SLC1A4: variants seen among roughly 807,000 people sequenced by gnomAD.
SLC1A4 encodes the protein solute carrier family 1 member 4, also known as neutral amino acid transporter A.
A neutral mutation model predicts 37.7 loss-of-function variants in SLC1A4; 19 were observed. That is an observed-to-expected ratio of 0.50 (90% CI 0.35 to 0.74). The LOEUF (loss-of-function observed/expected upper bound fraction) is 0.74, where lower values mean the gene tolerates loss of function less well. Ranked by LOEUF, SLC1A4 falls within the 30% of genes least tolerant of loss-of-function variation. The pLI is 0.01. For missense variants in SLC1A4, 570 were observed against 712.9 expected (o/e 0.80, Z 2.28); for synonymous variants, 299 against 309.8 (o/e 0.97, Z 0.37).
chr2:65,021,345 ACT>A lies in SLC1A4; in HGVS notation c.*202_*203del, dbSNP rs1054164459. The A allele has an allele frequency of 1.0e-5, 6 of 585,948 alleles. No individual in the cohort carries two copies. In the Admixed American group the frequency reaches 1.8e-4, roughly 18 times the overall value. The allele number at this position is 585,948 out of a possible 1,614,324, so 36.3% of individuals were successfully genotyped here. On this transcript the variant is annotated 3_prime_UTR_variant, in exon 8 of 8. Coordinates refer to ENST00000234256, the MANE Select transcript of SLC1A4 (RefSeq NM_003038.5). The stretch of plus-strand genomic sequence containing the variant: ...GGAACTGGTTACCAAGGACAAGGAC[ACT>A]CTGACATTCGGCTTGATCCATGTCC...
chr2:64,993,793 T>C (rs1673149893), intron 1 of SLC1A4, among the ~76,000 whole-genome samples: 1 of 152,216 alleles, frequency 6.6e-6, no homozygotes, highest in Non-Finnish European at 1.5e-5. Context: ...ATCATGATGG[T>C]ACCCACCTCG....
intron 2 of SLC1A4, among the ~76,000 whole-genome samples, chr2:65,003,380 G>C (rs183881869): frequency 1.3e-5 from 2 of 152,158 alleles, no homozygotes; most frequent in Non-Finnish European, 2.9e-5. Context: ...CTAGAAAGAC[G>C]TCTCACTTCT....
upstream of SLC1A4, among the ~76,000 whole-genome samples, chr2:64,989,041 A>T (rs1403552979): frequency 6.6e-6 from 1 of 151,490 alleles, no homozygotes; most frequent in Non-Finnish European, 1.5e-5. Context: ...GCCGCGGGAG[A>T]GGGCCCGGCA....
In SLC1A4 at chr2:65,018,397, C is replaced by A; in HGVS notation, c.1229+132C>A. The A allele has an allele frequency of 7.3e-7, 1 of 1,363,960 alleles. No individual in the cohort carries two copies. Among genetic ancestry groups the A allele is most frequent in the Non-Finnish European group, 1.0e-6 (1 of 997,474 alleles). The allele number at this position is 1,363,960 out of a possible 1,614,324, so 84.5% of individuals were successfully genotyped here. ...CAGTGGGGATTCATTACTTGAAGAGCGTGTGTTGACTCTCAAGGGCGTAGC... is the reference window on the plus strand; with the variant it reads ...CAGTGGGGATTCATTACTTGAAGAGAGTGTGTTGACTCTCAAGGGCGTAGC... On this transcript the variant is annotated intron_variant, in intron 6 of 7. Coordinates refer to ENST00000234256, the MANE Select transcript of SLC1A4 (RefSeq NM_003038.5). The surrounding 1 kb of genome is among the most constrained non-coding windows in gnomAD (Gnocchi z 4.3).
intron 3 of SLC1A4, among the ~76,000 whole-genome samples, chr2:65,009,054 T>A (rs758225317): frequency 1.7e-4 from 26 of 152,274 alleles, no homozygotes; most frequent in Non-Finnish European, 2.6e-4. Context: ...ATCATTGTCC[T>A]CACAATGAAA....
chr2:64,995,091 A>G (rs1673201889), intron 1 of SLC1A4, among the ~76,000 whole-genome samples: 1 of 152,204 alleles, frequency 6.6e-6, no homozygotes, highest in African/African-American at 2.4e-5. Flanking sequence ...TTTTAAAAAA[A>G]GGTTCTCACT....
intron 3 of SLC1A4, among the ~76,000 whole-genome samples, chr2:65,006,541 C>T (rs886844646): frequency 1.3e-5 from 2 of 152,040 alleles, no homozygotes; most frequent in Non-Finnish European, 2.9e-5. Flanking sequence ...AGTGTGTCCT[C>T]GCTGGTTCCA....
chr2:64,995,556 C>T (rs969964860), intron 1 of SLC1A4, among the ~76,000 whole-genome samples: 2 of 152,174 alleles, frequency 1.3e-5, no homozygotes, highest in Admixed American at 1.3e-4. Context: ...ACACCCCCAT[C>T]ATCAGAGTGC....
In SLC1A4 at chr2:64,991,332, C is replaced by CAA. The variant is rs540933887; in HGVS notation, c.527+1170_527+1171dup. ...GTATTTAAAAACAAACAAACAACAACAAAAAAAAACCACTCATGAGGGAGA... is the reference window on the plus strand; with the variant it reads ...GTATTTAAAAACAAACAAACAACAACAAAAAAAAAAACCACTCATGAGGGAGA... On this transcript the variant is annotated intron_variant, in intron 1 of 7. Transcript: ENST00000234256. Among the ~76,000 whole-genome samples, 704 of 136,564 alleles carry CAA rather than the reference C, an allele frequency of 5.2e-3. 5 individuals are homozygous for CAA. The highest frequency in any genetic ancestry group is 0.018 in the African/African-American group (685 of 37,046). The allele number at this position is 136,564 out of a possible 152,430, so 89.6% of individuals were successfully genotyped here.
At chr2:65,014,907 T>G (rs1373046229) in intron 4 of SLC1A4, among the ~76,000 whole-genome samples, 1 of 152,002 alleles carries the variant, frequency 6.6e-6, no homozygotes, top group Non-Finnish European at 1.5e-5. Flanking sequence ...TTAAAGACAA[T>G]GAGGTAAAGG....
intron 4 of SLC1A4, among the ~76,000 whole-genome samples, chr2:65,013,263 C>A (rs1026639216): frequency 2.0e-5 from 3 of 152,190 alleles, no homozygotes; most frequent in African/African-American, 7.2e-5. Context: ...ACTCTTGTTG[C>A]CCAGGCTGCA....
rs1285568316 is a variant in SLC1A4 at position 65,021,798 on chromosome 2, G to C, written c.*652G>C. 8 of 152,652 alleles carry C rather than the reference G, an allele frequency of 5.2e-5. No homozygotes were observed. The highest frequency in any genetic ancestry group is 4.6e-4 in the Admixed American group (7 of 15,282). The allele number at this position is 152,652 out of a possible 1,614,324, so 9.5% of individuals were successfully genotyped here. On this transcript the variant is annotated 3_prime_UTR_variant, in exon 8 of 8. Transcript: ENST00000234256. Reference sequence around the variant, plus strand: ...TCCACAGCCTTAGGTAAACAACTTAGATTCTGAGGTCAAAGAAAAAAGGAG... The same window carrying C: ...TCCACAGCCTTAGGTAAACAACTTACATTCTGAGGTCAAAGAAAAAAGGAG...
Position 65,022,468 on chromosome 2 carries a change from T to C in SLC1A4, c.*1322T>C, listed in dbSNP as rs1316357614. On this transcript the variant is annotated 3_prime_UTR_variant, in exon 8 of 8. Coordinates refer to ENST00000234256, the MANE Select transcript of SLC1A4 (RefSeq NM_003038.5). ...TGCCTCTTACCTACCTCAGAGGGAT[T>C]TGGTGAAGCAAACTGTTAATCTTCG... is the stretch of plus-strand genomic sequence containing the variant. 1 of 152,080 alleles carries C rather than the reference T, an allele frequency of 6.6e-6. No homozygotes were observed. The highest frequency in any genetic ancestry group is 1.5e-5 in the Non-Finnish European group (1 of 68,012). 9.4% of individuals were successfully genotyped at this position (152,080 alleles called of 1,614,324 possible). A position where few individuals can be genotyped will look rare whatever the true frequency, so the allele number is the denominator to read the frequency against.
chr2:64,989,821 G>A lies in SLC1A4; in HGVS notation c.178G>A (p.Ala60Thr), dbSNP rs988308495. ...SGVLAGAGLG[A>T]ALRGLSLSRT... Reference sequence around the variant, plus strand: ...GGTGCTGGCGGGCGCGGGCCTGGGCGCGGCGTTGCGCGGGCTCAGCCTGAG... The same window carrying A: ...GGTGCTGGCGGGCGCGGGCCTGGGCACGGCGTTGCGCGGGCTCAGCCTGAG... Residue 60 changes from alanine (A) to threonine (T), a missense_variant, in exon 1 of 8, where the codon GCG (alanine) becomes ACG (threonine). Physicochemically the swap from Ala to Thr is moderately conservative, Grantham distance 58 (BLOSUM62 0). Coordinates refer to ENST00000234256, the MANE Select transcript of SLC1A4 (RefSeq NM_003038.5). 2.0e-6 allele frequency: 3 copies of A among 1,532,782 alleles called. No individual in the cohort carries two copies. The highest frequency in any genetic ancestry group is 1.4e-5 in the African/African-American group (1 of 72,578). The allele number at this position is 1,532,782 out of a possible 1,614,324, so 94.9% of individuals were successfully genotyped here.
At position 65,018,147 on chromosome 2, in the gene SLC1A4, C is replaced by G. The variant is rs1381712260; in HGVS notation, c.1111C>G (p.Leu371Val). Residue 371 changes from leucine to valine, a missense_variant, in exon 6 of 8, where the codon CTC becomes GTC. By Grantham distance (32) the Leu-to-Val change is conservative. Transcript: ENST00000234256. This position sits in a 1 kb window ranked among gnomAD's most constrained non-coding sequence, Gnocchi z 4.3. ...GGACAAGAGGATCAGCAGGTTTATT[C>G]TCCCCATCGGGGCCACCGTGAACAT... ...GVDKRISRFILPIGATVNMDG... is the reference protein window; with the variant it reads ...GVDKRISRFIVPIGATVNMDG... 1.2e-6 allele frequency: 2 copies of G among 1,614,184 alleles called. No individual in the cohort carries two copies. The highest frequency in any genetic ancestry group is 1.7e-6 in the Non-Finnish European group (2 of 1,180,022).
Position 65,018,222 on chromosome 2 carries a change from C to T in SLC1A4, c.1186C>T (p.Leu396Phe), listed in dbSNP as rs1208524531. The T allele has an allele frequency of 6.2e-7, 1 of 1,614,200 alleles. No homozygotes were observed. Among genetic ancestry groups the T allele is most frequent in the African/African-American group, 1.3e-5 (1 of 75,052 alleles). ...TGTGGCCGCGGTGTTCATTGCGCAACTCAACAACGTAGAGCTCAACGCAGG... is the reference window on the plus strand; with the variant it reads ...TGTGGCCGCGGTGTTCATTGCGCAATTCAACAACGTAGAGCTCAACGCAGG... ...QCVAAVFIAQ[L>F]NNVELNAGQI... Residue 396 changes from leucine to phenylalanine, a missense_variant, in exon 6 of 8, where the codon CTC (leucine) becomes TTC (phenylalanine). By Grantham distance (22) the Leu-to-Phe change is conservative. Transcript: ENST00000234256. The surrounding 1 kb of genome is among the most constrained non-coding windows in gnomAD (Gnocchi z 4.3).
chr2:65,001,946 GAT>G (rs536493820), intron 2 of SLC1A4, among the ~76,000 whole-genome samples: 1 of 152,146 alleles, frequency 6.6e-6, no homozygotes, highest in Non-Finnish European at 1.5e-5. Context: ...ACCTCTTTCA[GAT>G]ATGTTTTTTC....
chr2:64,989,585 C>T lies in SLC1A4; in HGVS notation c.-59C>T. 1.5e-6 allele frequency: 2 copies of T among 1,377,634 alleles called. No homozygotes were observed. Among genetic ancestry groups the T allele is most frequent in the Non-Finnish European group, 1.9e-6 (2 of 1,060,710 alleles). The allele number at this position is 1,377,634 out of a possible 1,614,324, so 85.3% of individuals were successfully genotyped here. On this transcript the variant is annotated 5_prime_UTR_variant, in exon 1 of 8. Transcript: ENST00000234256. ...CGACCGACCCATTCATTGGGAACCC[C>T]GTCTTTTGCCAGAGCCCACGTCCCC...
intron 7 of SLC1A4, among the ~76,000 whole-genome samples, chr2:65,020,386 C>T (rs1674366342): frequency 6.6e-6 from 1 of 152,190 alleles, no homozygotes; most frequent in South Asian, 2.1e-4. Flanking sequence ...CCCACCTCAG[C>T]CTCCTGAGTA....
Sources: allele counts gnomAD v4.1 joint callset (sites outside exome capture counted in the v4.1 genomes callset), GRCh38; gene constraint gnomAD v4.1.1; non-coding constraint Gnocchi (gnomAD v3.1); transcripts MANE v1.5; gene names NCBI Gene and HGNC (gene_info 2026-07-23, HGNC 2026-07-21).